Variants in PDZK1 observed in about 807,000 individuals in gnomAD.
PDZK1 encodes Na(+)/H(+) exchange regulatory cofactor NHE-RF3.
PDZK1 carries 23 observed loss-of-function variants against 38.1 expected under a neutral mutation model. The ratio of observed to expected loss-of-function variants is 0.60; its 90% CI spans 0.43 to 0.85. PDZK1 has a LOEUF of 0.85. PDZK1 is among the 40% of genes least tolerant of loss of function. The probability of loss-of-function intolerance (pLI) is 0.00; values close to 1 mark genes in which losing one functional copy is unlikely to be tolerated. For missense variants in PDZK1, 297 were observed against 504.3 expected, an observed-to-expected ratio of 0.59 and a Z score of 3.94; for synonymous variants, 98 against 186.2, an observed-to-expected ratio of 0.53 and a Z score of 3.86.
intron 1 of PDZK1, chr1:145,691,793 G>A (rs1365772567): frequency 6.6e-6 from 1 of 151,838 alleles, no homozygotes; most frequent in Admixed American, 6.6e-5. Context: ...CTGGGCAACA[G>A]AATGAGACCC....
intron 6 of PDZK1, among the ~76,000 whole-genome samples, chr1:145,677,229 T>C (rs1273584208): frequency 6.6e-6 from 1 of 152,172 alleles, no homozygotes; most frequent in African/African-American, 2.4e-5. Context: ...TCTCACCATG[T>C]GGTATTCATA....
At chr1:145,699,907 A>G (rs1483231519) in intron 1 of PDZK1, among the ~76,000 whole-genome samples, 2 of 152,194 alleles carry the variant, frequency 1.3e-5, no homozygotes, top group Non-Finnish European at 2.9e-5. Context: ...TAGGAAGCAC[A>G]TGTGGATGCC....
At chr1:145,692,625 C>T (rs970841233) in intron 1 of PDZK1, among the ~76,000 whole-genome samples, 2 of 151,290 alleles carry the variant, frequency 1.3e-5, no homozygotes, top group South Asian at 2.1e-4. Context: ...GAAGGGGAAT[C>T]GCTTGGACCT....
At chr1:145,705,400 T>G (rs1656190727) in intron 1 of PDZK1, among the ~76,000 whole-genome samples, 1 of 152,086 alleles carries the variant, frequency 6.6e-6, no homozygotes, top group South Asian at 2.1e-4. Flanking sequence ...CCAAATGAGA[T>G]GATTTCTGAT....
At chr1:145,693,788 A>C (rs1324647639) in intron 1 of PDZK1, among the ~76,000 whole-genome samples, 1 of 149,282 alleles carries the variant, frequency 6.7e-6, no homozygotes, top group East Asian at 2.0e-4. Flanking sequence ...AAAAAAAATC[A>C]CCCTAGGCTG....
rs1553698283 is a variant in PDZK1 at position 145,672,808 on chromosome 1, A to G, written c.1428T>C (p.Asp476=). The change falls in exon 8 of 9, where the codon GAT becomes GAC. Residue 476 remains aspartate (D), a synonymous_variant. Transcript: ENST00000417171. ...TAGAATCTGGAGGGGTGTCAAGTGG[A>G]TCAGCCAGGGAGGAAACAATAGGGA... ...KKIPIVSSLA[D]PLDTPPDSKE... The G allele has an allele frequency of 6.2e-7, 1 of 1,611,788 alleles. No individual in the cohort carries two copies. The highest frequency in any genetic ancestry group is 1.7e-5 in the Admixed American group (1 of 59,978).
At chr1:145,677,262 A>G (rs1327018541) in intron 6 of PDZK1, among the ~76,000 whole-genome samples, 11 of 152,062 alleles carry the variant, frequency 7.2e-5, no homozygotes, top group Non-Finnish European at 1.5e-4. Context: ...AGGTTAGTAT[A>G]GTACATCTGA....
Position 145,686,348 on chromosome 1 carries a change from T to C in PDZK1, c.460+129A>G, listed in dbSNP as rs587627174. On this transcript the variant is annotated intron_variant, in intron 3 of 8. Transcript: ENST00000417171. Reference sequence around the variant, plus strand: ...TGAGAGACGGAGGGAGGCAAGCTGTTGCAAGCTATCTATAGCAACTGAAAA... The same window carrying C: ...TGAGAGACGGAGGGAGGCAAGCTGTCGCAAGCTATCTATAGCAACTGAAAA... 3 of 1,091,814 alleles carry C rather than the reference T, an allele frequency of 2.7e-6. No homozygotes were observed. In the East Asian group the frequency reaches 7.2e-5, roughly 26 times the overall value. The allele number at this position is 1,091,814 out of a possible 1,614,324, so 67.6% of individuals were successfully genotyped here. A position where few individuals can be genotyped will look rare whatever the true frequency, so the allele number is the denominator to read the frequency against.
At chr1:145,695,963 C>G (rs1233734676) in intron 1 of PDZK1, among the ~76,000 whole-genome samples, 2 of 152,170 alleles carry the variant, frequency 1.3e-5, no homozygotes, top group African/African-American at 4.8e-5. Context: ...TTACACTCAC[C>G]ATGACAAGTG....
rs1258644890 is a variant in PDZK1, at chr1:145,686,532, G to T, written c.405C>A (p.Leu135=). 1.9e-6 allele frequency: 3 copies of T among 1,611,814 alleles called. No individual in the cohort carries two copies. In the African/African-American group the frequency reaches 4.0e-5, roughly 22 times the overall value. The change falls in exon 3 of 9, where the codon CTC becomes CTA. Residue 135 remains leucine (L), a synonymous_variant. Coordinates refer to ENST00000417171, the MANE Select transcript of PDZK1 (RefSeq NM_001201325.2). The part of the protein sequence containing the change: ...GGVQTWTQPR[L]CYLVKEGGSY... The stretch of plus-strand genomic sequence containing the variant: ...TGCCTCCTTCCTTCACGAGATAGCA[G>T]AGCCGGGGCTGGGTCCAAGTTTGCA...
intron 1 of PDZK1, among the ~76,000 whole-genome samples, chr1:145,694,895 C>CAAAAAAAAA (rs10657290): frequency 7.5e-5 from 3 of 39,794 alleles, no homozygotes; most frequent in African/African-American, 1.4e-4. Flanking sequence ...GACTCTGTCT[C>CAAAAAAAAA]AAAAAAAAAA....
chr1:145,694,725 T>G (rs1655514440), intron 1 of PDZK1, among the ~76,000 whole-genome samples: 1 of 151,442 alleles, frequency 6.6e-6, no homozygotes, highest in South Asian at 2.1e-4. Flanking sequence ...GGTGAAACCC[T>G]GTCTCTACTA....
At chr1:145,703,269 A>G (rs1355044182) in intron 1 of PDZK1, among the ~76,000 whole-genome samples, 2 of 152,182 alleles carry the variant, frequency 1.3e-5, no homozygotes, top group African/African-American at 2.4e-5. Context: ...CAGAATAGCT[A>G]CCGTCCTGCC....
intron 1 of PDZK1, among the ~76,000 whole-genome samples, chr1:145,697,660 C>T (rs144614951): frequency 0.01 from 1,517 of 151,390 alleles, 8 homozygotes; most frequent in Non-Finnish European, 0.016. Flanking sequence ...TGCAGTGGTG[C>T]GATCTCAGCT....
At chr1:145,692,314 C>A (rs1359334476) in intron 1 of PDZK1, among the ~76,000 whole-genome samples, 1 of 152,198 alleles carries the variant, frequency 6.6e-6, no homozygotes, top group African/African-American at 2.4e-5. Flanking sequence ...TCCTCAGCAC[C>A]ACCCTCACCA....
At chr1:145,686,954 C>A (rs1379089220) in intron 2 of PDZK1, among the ~76,000 whole-genome samples, 1 of 152,076 alleles carries the variant, frequency 6.6e-6, no homozygotes, top group African/African-American at 2.4e-5. Context: ...GTGGTTCAAC[C>A]CCAGCCCAGA....
At chr1:145,688,885 G>A (rs1424893438) in intron 1 of PDZK1, among the ~76,000 whole-genome samples, 23 of 151,426 alleles carry the variant, frequency 1.5e-4, no homozygotes, top group Admixed American at 1.5e-3. Context: ...CTTTAACCTG[G>A]GAGGTGGAGA....
chr1:145,699,655 A>C, intron 1 of PDZK1, among the ~76,000 whole-genome samples: 1 of 152,336 alleles, frequency 6.6e-6, no homozygotes, highest in South Asian at 2.1e-4. Flanking sequence ...AGTTATCTGA[A>C]AAGATCTTTA....
chr1:145,690,493 C>T (rs1183590308), intron 1 of PDZK1, among the ~76,000 whole-genome samples: 1 of 152,112 alleles, frequency 6.6e-6, no homozygotes, highest in Non-Finnish European at 1.5e-5. Context: ...CATGCAAAGC[C>T]CTCTTAAAGT....
Sources: gnomAD v4.1 joint callset for allele counts (sites outside exome capture counted in the v4.1 genomes callset) on GRCh38, gnomAD v4.1.1 for gene constraint, MANE v1.5 for transcripts, NCBI Gene and HGNC (gene_info 2026-07-23, HGNC 2026-07-21) for gene names.